NEGR1: variants seen among roughly 807,000 people sequenced by gnomAD.
NEGR1 encodes IgLON family member 4.
NEGR1 carries 10 observed loss-of-function variants against 40.9 expected under a neutral mutation model. The ratio of observed to expected loss-of-function variants is 0.24; its 90% CI spans 0.15 to 0.42. The LOEUF is 0.42. Ranked by LOEUF, NEGR1 falls within the 10% of genes least tolerant of loss-of-function variation. The pLI is 1.00. For missense variants in NEGR1, 352 were observed against 438.9 expected (o/e 0.80, Z 1.77); for synonymous variants, 185 against 166.8 (o/e 1.11, Z -0.84).
intron 6 of NEGR1, among the ~76,000 whole-genome samples, chr1:71,483,813 G>T (rs1035768027): frequency 2.0e-5 from 3 of 151,592 alleles, no homozygotes; most frequent in Non-Finnish European, 3.0e-5. Context: ...CTGGCTTTTG[G>T]CTTCAAAACA....
chr1:72,159,427 G>C (rs912411994), intron 1 of NEGR1, among the ~76,000 whole-genome samples: 1 of 152,082 alleles, frequency 6.6e-6, no homozygotes, highest in Non-Finnish European at 1.5e-5. Context: ...ACATTAGTGA[G>C]TAAATGGGTC....
At chr1:71,539,873 A>C (rs570280865) in intron 6 of NEGR1, among the ~76,000 whole-genome samples, 1 of 151,908 alleles carries the variant, frequency 6.6e-6, no homozygotes, top group South Asian at 2.1e-4. Flanking sequence ...ATGCTTAATA[A>C]AATTAATAAA....
chr1:71,492,528 G>A (rs138994636), intron 6 of NEGR1, among the ~76,000 whole-genome samples: 1 of 151,824 alleles, frequency 6.6e-6, no homozygotes, highest in Admixed American at 6.6e-5. Flanking sequence ...CACCTCTTAC[G>A]GCTCCTGGTT....
chr1:71,418,075 C>CT (rs34107424), intron 6 of NEGR1, among the ~76,000 whole-genome samples: 39,813 of 140,316 alleles, frequency 0.28, 6,270 homozygotes, highest in East Asian at 0.57. Flanking sequence ...CCAGGGTACA[C>CT]TTTTTTTTTT....
intron 1 of NEGR1, among the ~76,000 whole-genome samples, chr1:72,130,729 AC>A (rs1274359819): frequency 6.6e-6 from 1 of 152,000 alleles, no homozygotes; most frequent in East Asian, 1.9e-4. Context: ...AGCCATTCTG[AC>A]CTCCTCAGCC....
chr1:71,704,711 A>T (rs1242810555), intron 3 of NEGR1, among the ~76,000 whole-genome samples: 1 of 151,962 alleles, frequency 6.6e-6, no homozygotes, highest in Non-Finnish European at 1.5e-5. Context: ...TAAGAAATAA[A>T]TAATACCAAA....
At chr1:71,778,864 C>T (rs2101721264) in intron 2 of NEGR1, among the ~76,000 whole-genome samples, 1 of 152,236 alleles carries the variant, frequency 6.6e-6, no homozygotes, top group East Asian at 1.9e-4. Context: ...TTATGCTAAA[C>T]TAATATTCAG....
chr1:71,553,208 C>G (rs923805825), intron 6 of NEGR1, among the ~76,000 whole-genome samples: 2 of 151,468 alleles, frequency 1.3e-5, no homozygotes, highest in Non-Finnish European at 3.0e-5. Context: ...AATATCTTAA[C>G]TTTTGATTTA....
chr1:71,529,527 C>T (rs1647293689), intron 6 of NEGR1, among the ~76,000 whole-genome samples: 1 of 151,092 alleles, frequency 6.6e-6, no homozygotes, highest in Non-Finnish European at 1.5e-5. Flanking sequence ...AGTAGATACC[C>T]TTAAGCTCCT....
At chr1:71,669,397 T>G (rs1652342918) in intron 4 of NEGR1, among the ~76,000 whole-genome samples, 2 of 152,202 alleles carry the variant, frequency 1.3e-5, no homozygotes, top group South Asian at 4.1e-4. Flanking sequence ...TTATTTTGTG[T>G]TCCATTTTCT....
intron 6 of NEGR1, among the ~76,000 whole-genome samples, chr1:71,448,801 A>G (rs1646602565): frequency 2.0e-5 from 3 of 152,186 alleles, no homozygotes; most frequent in Admixed American, 6.5e-5. Context: ...GTCAAACTGT[A>G]CCATAGTAAA....
intron 1 of NEGR1, among the ~76,000 whole-genome samples, chr1:71,950,911 T>C (rs943572084): frequency 6.6e-6 from 1 of 151,990 alleles, no homozygotes. Context: ...ACTTGGACTC[T>C]CTAATTATGA....
chr1:71,757,440 C>T (rs1291636656), intron 3 of NEGR1, among the ~76,000 whole-genome samples: 1 of 152,060 alleles, frequency 6.6e-6, no homozygotes, highest in East Asian at 1.9e-4. Context: ...CATCTTTTTA[C>T]TTTGGCTTTG....
rs1372125706 is a variant in NEGR1 at position 71,732,517 on chromosome 1, TGTGC to T, written c.536-34382_536-34379del. The stretch of plus-strand genomic sequence containing the variant: ...CTGTGTGTGTGTGTGTGTGTGTGTG[TGTGC>T]GCGCGCGCGCCAGCTTGTGTTCTTT... On this transcript the variant is annotated intron_variant, in intron 3 of 6. Coordinates refer to ENST00000357731, the MANE Select transcript of NEGR1 (RefSeq NM_173808.3). Among the ~76,000 whole-genome samples, 493 of 151,238 alleles carry T rather than the reference TGTGC, an allele frequency of 3.3e-3. 5 individuals are homozygous for T. Among genetic ancestry groups the T allele is most frequent in the African/African-American group, 0.011 (456 of 40,904 alleles).
intron 1 of NEGR1, among the ~76,000 whole-genome samples, chr1:72,242,058 A>T (rs999267695): frequency 1.1e-4 from 16 of 151,792 alleles, no homozygotes; most frequent in African/African-American, 3.6e-4. Flanking sequence ...TCTAACACAA[A>T]CTATTAATAA....
At chr1:72,257,005 C>CATTTTCTT (rs543730781) in intron 1 of NEGR1, among the ~76,000 whole-genome samples, 5 of 152,128 alleles carry the variant, frequency 3.3e-5, no homozygotes, top group Non-Finnish European at 7.4e-5. Context: ...TCTTAATCTG[C>CATTTTCTT]ATTTTCTTTG....
At chr1:71,456,017 G>A (rs1646670233) in intron 6 of NEGR1, among the ~76,000 whole-genome samples, 1 of 152,060 alleles carries the variant, frequency 6.6e-6, no homozygotes, top group African/African-American at 2.4e-5. Context: ...TCATGCAACT[G>A]TAATTATTTC....
chr1:72,277,682 T>A (rs1181284776), intron 1 of NEGR1, among the ~76,000 whole-genome samples: 2 of 152,022 alleles, frequency 1.3e-5, no homozygotes, highest in African/African-American at 4.8e-5. Flanking sequence ...CCCTGCTCTT[T>A]TTAAAAAGAG....
chr1:71,659,121 C>G (rs552143778), intron 4 of NEGR1, among the ~76,000 whole-genome samples: 1 of 152,122 alleles, frequency 6.6e-6, no homozygotes, highest in Non-Finnish European at 1.5e-5. Context: ...TAACCCTAGT[C>G]AAGTACTTAA....
Sources: gnomAD v4.1 joint callset for allele counts (sites outside exome capture counted in the v4.1 genomes callset) on GRCh38, gnomAD v4.1.1 for gene constraint, MANE v1.5 for transcripts, NCBI Gene and HGNC (gene_info 2026-07-23, HGNC 2026-07-21) for gene names.